The following PTPRD variants were observed in gnomAD, a reference collection of about 807,000 sequenced individuals.
The protein encoded by PTPRD is receptor-type tyrosine-protein phosphatase delta.
In PTPRD, 34 loss-of-function variants were observed where a neutral mutation model predicts 214.5. That is an observed-to-expected ratio of 0.16 (90% CI 0.12 to 0.21). The LOEUF is 0.21. Ranked by LOEUF, PTPRD falls within the 10% of genes least tolerant of loss-of-function variation. The pLI is 1.00. For synonymous variants in PTPRD, 1,128 were observed against 845.7 expected (o/e 1.33, Z -5.79); for missense variants, 2,545 against 2,398.7 (o/e 1.06, Z -1.27).
intron 3 of PTPRD, among the ~76,000 whole-genome samples, chr9:10,091,155 T>G (rs1193775055): frequency 6.6e-6 from 1 of 151,492 alleles, no homozygotes; most frequent in East Asian, 1.9e-4. Flanking sequence ...ATATGTAAGA[T>G]TTGAACTGGA....
intron 9 of PTPRD, among the ~76,000 whole-genome samples, chr9:9,371,869 T>A (rs956657797): frequency 2.6e-5 from 4 of 152,230 alleles, no homozygotes; most frequent in African/African-American, 9.6e-5. Context: ...TTTCGTTATG[T>A]ACCCAGTAGT....
chr9:8,430,680 G>A (rs765047491), intron 35 of PTPRD, among the ~76,000 whole-genome samples: 1 of 152,060 alleles, frequency 6.6e-6, no homozygotes, highest in African/African-American at 2.4e-5. Context: ...TTTCTAACAA[G>A]TTCCCAGGTG....
At chr9:8,746,931 T>C (rs1485540360) in intron 11 of PTPRD, among the ~76,000 whole-genome samples, 2 of 152,120 alleles carry the variant, frequency 1.3e-5, no homozygotes, top group African/African-American at 4.8e-5. Flanking sequence ...CATTCTAAAA[T>C]GAGTAGGAAT....
chr9:10,186,136 A>G (rs1015430799), intron 3 of PTPRD, among the ~76,000 whole-genome samples: 1 of 152,076 alleles, frequency 6.6e-6, no homozygotes, highest in Non-Finnish European at 1.5e-5. Flanking sequence ...CTCATCCTCA[A>G]CAAACTTTTG....
At chr9:9,270,675 T>C (rs965047707) in intron 9 of PTPRD, among the ~76,000 whole-genome samples, 2 of 151,410 alleles carry the variant, frequency 1.3e-5, no homozygotes, top group African/African-American at 4.8e-5. Context: ...ATCTTATTTA[T>C]GTTATAGAAA....
chr9:8,495,334 T>A (rs1251974469), intron 26 of PTPRD, among the ~76,000 whole-genome samples: 1 of 152,200 alleles, frequency 6.6e-6, no homozygotes, highest in African/African-American at 2.4e-5. Context: ...CTTAGCAAGT[T>A]TTTGCCAATT....
chr9:10,316,712 C>A (rs913189362), intron 3 of PTPRD, among the ~76,000 whole-genome samples: 21 of 151,922 alleles, frequency 1.4e-4, no homozygotes, highest in Middle Eastern at 3.4e-3. Context: ...ACATATAGTA[C>A]TAACAGCAAC....
At chr9:10,247,036 T>A (rs1410237082) in intron 3 of PTPRD, among the ~76,000 whole-genome samples, 4 of 152,140 alleles carry the variant, frequency 2.6e-5, no homozygotes. Flanking sequence ...AAATACAGAA[T>A]TGCTATAGGG....
At position 9,201,039 on chromosome 9, in the gene PTPRD, G is replaced by C. The variant is rs1203953896; in HGVS notation, c.-202-17676C>G. Among the ~76,000 whole-genome samples, 3 of 152,236 alleles carry C rather than the reference G, an allele frequency of 2.0e-5. No homozygotes were observed. In the East Asian group the frequency reaches 5.8e-4, roughly 29 times the overall value. On this transcript the variant is annotated intron_variant, in intron 9 of 45. Transcript: ENST00000381196. Reference sequence around the variant, plus strand: ...GTTAGAATAGCAGGACTATTATCAAGTCATAAGAGAAAAGAATAGACACCT... The same window carrying C: ...GTTAGAATAGCAGGACTATTATCAACTCATAAGAGAAAAGAATAGACACCT...
chr9:9,928,231 T>A (rs921314622), intron 5 of PTPRD, among the ~76,000 whole-genome samples: 2 of 152,174 alleles, frequency 1.3e-5, no homozygotes, highest in African/African-American at 2.4e-5. Context: ...GTTATTAATA[T>A]TACATGGTTA....
chr9:8,700,442 G>A (rs1469699139), intron 12 of PTPRD, among the ~76,000 whole-genome samples: 2 of 152,164 alleles, frequency 1.3e-5, no homozygotes. Context: ...TCTACAAAAA[G>A]TGTTATTCAA....
At chr9:9,036,073 A>C (rs1468755690) in intron 10 of PTPRD, among the ~76,000 whole-genome samples, 2 of 152,114 alleles carry the variant, frequency 1.3e-5, no homozygotes, top group Non-Finnish European at 2.9e-5. Context: ...GTAAGATTTA[A>C]GACTTTCAAC....
At chr9:10,392,743 T>C (rs1017113473) in intron 2 of PTPRD, among the ~76,000 whole-genome samples, 3 of 151,764 alleles carry the variant, frequency 2.0e-5, no homozygotes, top group African/African-American at 4.8e-5. Flanking sequence ...AGGAGTTCAC[T>C]GAAAAAACAG....
chr9:9,742,649 C>A (rs991686423), intron 6 of PTPRD, among the ~76,000 whole-genome samples: 1 of 151,262 alleles, frequency 6.6e-6, no homozygotes, highest in African/African-American at 2.4e-5. Flanking sequence ...TAAAAAAAAA[C>A]CTGGCAGATT....
At chr9:10,106,688 A>G (rs1376525257) in intron 3 of PTPRD, among the ~76,000 whole-genome samples, 1 of 151,212 alleles carries the variant, frequency 6.6e-6, no homozygotes, top group African/African-American at 2.4e-5. Flanking sequence ...ATGTATTTAG[A>G]AAAAAAAATT....
At chr9:9,242,519 T>C (rs913720423) in intron 9 of PTPRD, among the ~76,000 whole-genome samples, 11 of 152,164 alleles carry the variant, frequency 7.2e-5, no homozygotes, top group African/African-American at 1.2e-4. Flanking sequence ...CATAGTCCCA[T>C]ATTTCTTGGA....
chr9:9,457,968 G>T (rs540555619), intron 8 of PTPRD, among the ~76,000 whole-genome samples: 170 of 148,674 alleles, frequency 1.1e-3, no homozygotes, highest in Non-Finnish European at 2.0e-3. Flanking sequence ...TTTTGAAGTA[G>T]AAAAAGTATT....
intron 9 of PTPRD, among the ~76,000 whole-genome samples, chr9:9,343,808 G>C (rs1041811863): frequency 6.6e-6 from 1 of 151,868 alleles, no homozygotes; most frequent in African/African-American, 2.4e-5. Context: ...GCAATGAAAT[G>C]AAAGTGGGGA....
intron 3 of PTPRD, among the ~76,000 whole-genome samples, chr9:10,053,149 A>G (rs1211229216): frequency 2.6e-5 from 4 of 152,190 alleles, no homozygotes; most frequent in Non-Finnish European, 5.9e-5. Flanking sequence ...ATGAAATTCC[A>G]GAAAGATTGA....
Sources: allele counts gnomAD v4.1 joint callset (sites outside exome capture counted in the v4.1 genomes callset), GRCh38; gene constraint gnomAD v4.1.1; transcripts MANE v1.5; gene names NCBI Gene and HGNC (gene_info 2026-07-23, HGNC 2026-07-21).